The following PROK2 variants were observed in gnomAD, a reference collection of about 807,000 sequenced individuals.
PROK2 encodes the protein prokineticin-2.
In PROK2, 8 loss-of-function variants were observed where a neutral mutation model predicts 14.2. The observed-to-expected ratio is 0.56, with a 90% confidence interval of 0.33 to 1.02. The LOEUF is 1.02. Among genes scored for constraint, PROK2 ranks in the 50% least tolerant of loss-of-function variants. The pLI is 0.03. For synonymous variants in PROK2, 59 were observed against 60.7 expected (o/e 0.97, Z 0.13); for missense variants, 154 against 160.4 (o/e 0.96, Z 0.22).
intron 1 of PROK2, among the ~76,000 whole-genome samples, chr3:71,783,203 A>G (rs184501062): frequency 1.3e-5 from 2 of 152,306 alleles, no homozygotes; most frequent in East Asian, 1.9e-4. Context: ...TCAAAAATCC[A>G]GCCAAAATCT....
At chr3:71,779,459 C>T (rs1019709121) in intron 2 of PROK2, among the ~76,000 whole-genome samples, 1 of 152,202 alleles carries the variant, frequency 6.6e-6, no homozygotes, top group African/African-American at 2.4e-5. Flanking sequence ...TGGTACATCA[C>T]AGTATTTAAC....
intron 2 of PROK2, among the ~76,000 whole-genome samples, chr3:71,779,732 T>C (rs766292224): frequency 6.6e-6 from 1 of 152,098 alleles, no homozygotes; most frequent in Non-Finnish European, 1.5e-5. Context: ...TCAGCCTTCC[T>C]GGTAATTAGG....
rs1246300508 is a variant in PROK2 at position 71,772,533 on chromosome 3, T to C, written c.*191A>G. 1.6e-6 allele frequency: 1 copy of C among 615,760 alleles called. No individual in the cohort carries two copies. Among genetic ancestry groups the C allele is most frequent in the Non-Finnish European group, 2.9e-6 (1 of 349,734 alleles). The allele number at this position is 615,760 out of a possible 1,614,324, so 38.1% of individuals were successfully genotyped here. Reference sequence around the variant, plus strand: ...CATAATGCCTTACACTTCATATTTCTATCCAAAAGTAAAATTCTCTTTCGA... The same window carrying C: ...CATAATGCCTTACACTTCATATTTCCATCCAAAAGTAAAATTCTCTTTCGA... On this transcript the variant is annotated 3_prime_UTR_variant, in exon 4 of 4. Transcript: ENST00000295619.
At chr3:71,784,062 A>G (rs987395846) in intron 1 of PROK2, among the ~76,000 whole-genome samples, 1 of 152,264 alleles carries the variant, frequency 6.6e-6, no homozygotes, top group African/African-American at 2.4e-5. Context: ...TAATTTAATG[A>G]AGGTGTGAAA....
chr3:71,781,414 G>A (rs2108196820), intron 2 of PROK2, 53 bp downstream of exon 2: 2 of 1,596,208 alleles, frequency 1.3e-6, no homozygotes, highest in South Asian at 2.2e-5. Flanking sequence ...TACAGACCCT[G>A]CTCAGAGTTA....
chr3:71,784,832 A>T (rs1290131117), intron 1 of PROK2, 125 bp downstream of exon 1: 2 of 759,908 alleles, frequency 2.6e-6, no homozygotes, highest in Non-Finnish European at 3.6e-6. Context: ...CGACAGGGGC[A>T]GGTGTCCCCG....
Position 71,774,834 on chromosome 3 carries a change from A to G in PROK2, c.223-327T>C, listed in dbSNP as rs562060881. On this transcript the variant is annotated intron_variant, in intron 2 of 3. Transcript: ENST00000295619. ...TACAGCTAGACTGGCTTAGACAGTT[A>G]TAAGTGGATAGCATGAGAAGTGATC... Among the ~76,000 whole-genome samples the G allele has an allele frequency of 1.6e-4, 24 of 152,224 alleles. No individual in the cohort carries two copies. The South Asian group carries it at 4.6e-3, about 29-fold the overall frequency.
At chr3:71,783,901 A>G (rs1322013416) in intron 1 of PROK2, among the ~76,000 whole-genome samples, 1 of 152,264 alleles carries the variant, frequency 6.6e-6, no homozygotes, top group Admixed American at 6.5e-5. Context: ...TCAAAATTCT[A>G]TAAACCTAAT....
intron 1 of PROK2, among the ~76,000 whole-genome samples, chr3:71,784,521 TG>T (rs1199839323): frequency 6.6e-6 from 1 of 152,190 alleles, no homozygotes; most frequent in Non-Finnish European, 1.5e-5. Context: ...ATTAAGACTC[TG>T]GGCACTTGGG....
In PROK2 at chr3:71,774,425, C is replaced by G. The variant is rs1244012344; in HGVS notation, c.285+20G>C. On this transcript the variant is annotated intron_variant, in intron 3 of 3. Transcript: ENST00000295619. Reference sequence around the variant, plus strand: ...TTCTGGGCATGTCTTTCGGTGGTACCACATTCGCATTCTTCTTACCTCCTT... The same window carrying G: ...TTCTGGGCATGTCTTTCGGTGGTACGACATTCGCATTCTTCTTACCTCCTT... 1 of 1,551,238 alleles carries G rather than the reference C, an allele frequency of 6.4e-7. No individual in the cohort carries two copies. The highest frequency in any genetic ancestry group is 8.7e-7 in the Non-Finnish European group (1 of 1,146,860).
intron 3 of PROK2, among the ~76,000 whole-genome samples, 200 bp from the exon 4 acceptor site, chr3:71,773,028 G>A (rs553204378): frequency 3.7e-4 from 57 of 152,234 alleles, no homozygotes; most frequent in Non-Finnish European, 6.5e-4. Context: ...CGTCCAGGCT[G>A]GAGTGCAGTG....
At position 71,785,086 on chromosome 3, in the gene PROK2, G is replaced by C; in HGVS notation, c.-34C>G. The stretch of plus-strand genomic sequence containing the variant: ...CGGGACTGGGCGGCCGCCGGAGGCA[G>C]TTGGGGGCGCGGGGCCCGGGTGCGC... On this transcript the variant is annotated 5_prime_UTR_variant, in exon 1 of 4. Coordinates refer to ENST00000295619, the MANE Select transcript of PROK2 (RefSeq NM_001126128.2). 3 of 1,213,006 alleles carry C rather than the reference G, an allele frequency of 2.5e-6. No individual in the cohort carries two copies. The highest frequency in any genetic ancestry group is 3.1e-6 in the Non-Finnish European group (3 of 968,390). The allele number at this position is 1,213,006 out of a possible 1,614,324, so 75.1% of individuals were successfully genotyped here.
chr3:71,784,486 G>A (rs1427582629), intron 1 of PROK2, among the ~76,000 whole-genome samples: 1 of 152,180 alleles, frequency 6.6e-6, no homozygotes, highest in Non-Finnish European at 1.5e-5. Flanking sequence ...AGGACGCATC[G>A]GGGAGCAAAC....
rs2050088815 is a variant in PROK2, at chr3:71,772,644, A to AT, written c.*79dup. 4.7e-6 allele frequency: 6 copies of AT among 1,267,238 alleles called. No individual in the cohort carries two copies. The South Asian group carries it at 7.3e-5, about 16-fold the overall frequency. 78.5% of individuals were successfully genotyped at this position (1,267,238 alleles called of 1,614,324 possible). ...AAGCAAGAGCATTTCTTTCTGGCACATTTTTTGTTTGGCACAATCACAAGT... is the reference window on the plus strand; with the variant it reads ...AAGCAAGAGCATTTCTTTCTGGCACATTTTTTTGTTTGGCACAATCACAAGT... On this transcript the variant is annotated 3_prime_UTR_variant, in exon 4 of 4. Coordinates refer to ENST00000295619, the MANE Select transcript of PROK2 (RefSeq NM_001126128.2).
chr3:71,775,571 G>A (rs1285132953), intron 2 of PROK2, among the ~76,000 whole-genome samples: 1 of 152,196 alleles, frequency 6.6e-6, no homozygotes, highest in Non-Finnish European at 1.5e-5. Context: ...AAGGCATCAT[G>A]TATGAATGTC....
chr3:71,774,710 T>C (rs574111632), intron 2 of PROK2, among the ~76,000 whole-genome samples: 5 of 152,286 alleles, frequency 3.3e-5, no homozygotes, highest in Admixed American at 1.3e-4. Flanking sequence ...ACTGGATTAA[T>C]AGAGACTTGT....
intron 1 of PROK2, 130 bp downstream of exon 1, chr3:71,784,827 G>T (rs2050198921): frequency 2.8e-6 from 2 of 721,026 alleles, no homozygotes; most frequent in East Asian, 3.4e-5. Flanking sequence ...AGGGGCGACA[G>T]GGGCAGGTGT....
At chr3:71,781,379 G>T in intron 2 of PROK2, 88 bp downstream of exon 2, 1 of 1,510,554 alleles carries the variant, frequency 6.6e-7, no homozygotes, top group Non-Finnish European at 9.2e-7. Flanking sequence ...TGTTTGTCGA[G>T]CACGTTACCC....
intron 2 of PROK2, among the ~76,000 whole-genome samples, chr3:71,778,303 T>C (rs1055374168): frequency 1.3e-5 from 2 of 152,174 alleles, no homozygotes; most frequent in Admixed American, 1.3e-4. Context: ...AAAATATGCA[T>C]ACTATGCTTC....
Sources: allele counts gnomAD v4.1 joint callset (sites outside exome capture counted in the v4.1 genomes callset), GRCh38; gene constraint gnomAD v4.1.1; transcripts MANE v1.5; gene names NCBI Gene and HGNC (gene_info 2026-07-23, HGNC 2026-07-21).